BAZ1B: variants seen among roughly 807,000 people sequenced by gnomAD.
BAZ1B encodes tyrosine-protein kinase BAZ1B.
In BAZ1B, 22 loss-of-function variants were observed where a neutral mutation model predicts 153.8. The observed-to-expected ratio is 0.14, with a 90% CI of 0.10 to 0.20. The LOEUF (loss-of-function observed/expected upper bound fraction) is 0.20, where lower values mean the gene tolerates loss of function less well. BAZ1B is among the 10% of genes least tolerant of loss of function. The pLI, the probability that BAZ1B is intolerant of heterozygous loss-of-function variation, is 1.00. For synonymous variants in BAZ1B, 676 were observed against 633.4 expected (o/e 1.07, Z -1.01); for missense variants, 1,325 against 1,799.3 (o/e 0.74, Z 4.77).
chr7:73,444,222 T>C (rs1276432063), intron 16 of BAZ1B, 93 bp from the exon 17 acceptor site: 7 of 1,398,750 alleles, frequency 5.0e-6, no homozygotes, highest in South Asian at 1.5e-5. Flanking sequence ...GGAGAATCCT[T>C]TTCCTGGACA....
At position 73,522,100 on chromosome 7, in the gene BAZ1B, G is replaced by C; in HGVS notation, c.-167C>G. ...TCCCTCACCGCCGGCGCGGCCGCGC[G>C]ACAGTCATGGAGCGGAACGCCACGG... On this transcript the variant is annotated 5_prime_UTR_variant, in exon 1 of 20. Coordinates refer to ENST00000339594, the MANE Select transcript of BAZ1B (RefSeq NM_032408.4). 2.3e-6 allele frequency: 1 copy of C among 432,464 alleles called. No individual in the cohort carries two copies. The allele number at this position is 432,464 out of a possible 1,614,324, so 26.8% of individuals were successfully genotyped here. A position where few individuals can be genotyped will look rare whatever the true frequency, so the allele number is the denominator to read the frequency against.
intron 8 of BAZ1B, 42 bp from the exon 9 acceptor site, chr7:73,469,692 A>G: frequency 6.2e-7 from 1 of 1,605,964 alleles, no homozygotes; most frequent in Non-Finnish European, 8.5e-7. Flanking sequence ...TGAATAGATC[A>G]GGATTGCAGG....
chr7:73,492,453 C>T (rs1168154096), intron 5 of BAZ1B, among the ~76,000 whole-genome samples: 2 of 152,200 alleles, frequency 1.3e-5, no homozygotes, highest in African/African-American at 2.4e-5. Flanking sequence ...TGAGCCACCA[C>T]GCCCGGCCTG....
chr7:73,461,595 T>C (rs889367695), intron 12 of BAZ1B, among the ~76,000 whole-genome samples: 1 of 152,156 alleles, frequency 6.6e-6, no homozygotes, highest in Non-Finnish European at 1.5e-5. Context: ...GTTTAAATCC[T>C]TTTCCCCAGG....
At chr7:73,514,643 C>T (rs1267369181) in intron 1 of BAZ1B, among the ~76,000 whole-genome samples, 2 of 151,760 alleles carry the variant, frequency 1.3e-5, no homozygotes, top group Non-Finnish European at 2.9e-5. Flanking sequence ...AACCCCATCT[C>T]TATTAAAAAA....
chr7:73,473,070 T>C (rs1323576093), intron 7 of BAZ1B, among the ~76,000 whole-genome samples: 1 of 152,012 alleles, frequency 6.6e-6, no homozygotes, highest in East Asian at 1.9e-4. Context: ...GCATCCTGAG[T>C]AGCTGGGATT....
At chr7:73,521,655 T>C (rs1424771100) in intron 1 of BAZ1B, among the ~76,000 whole-genome samples, 172 bp downstream of exon 1, 1 of 150,886 alleles carries the variant, frequency 6.6e-6, no homozygotes, top group African/African-American at 2.4e-5. Flanking sequence ...CCGGATCCCC[T>C]GGAAGGATCG....
At chr7:73,454,348 A>G (rs1223682544) in intron 13 of BAZ1B, among the ~76,000 whole-genome samples, 4 of 152,146 alleles carry the variant, frequency 2.6e-5, no homozygotes, top group African/African-American at 9.7e-5. Flanking sequence ...GGTGAAAACT[A>G]AATCCCAGCA....
chr7:73,512,389 G>A (rs1385772167), intron 1 of BAZ1B, among the ~76,000 whole-genome samples: 1 of 151,482 alleles, frequency 6.6e-6, no homozygotes, highest in Non-Finnish European at 1.5e-5. Flanking sequence ...ATGGCCAAAA[G>A]ATTGGCTACC....
intron 4 of BAZ1B, among the ~76,000 whole-genome samples, 177 bp from the exon 5 acceptor site, chr7:73,493,098 GTAAATAACTACAATGTACTA>G (rs1554575775): frequency 1.3e-5 from 2 of 152,164 alleles, no homozygotes; most frequent in Non-Finnish European, 2.9e-5. Context: ...GAGTCAGCAA[GTAAATAACTACAATGTACTA>G]TAAATAACTA....
chr7:73,497,081 A>AAAAAAAAAAAAAAAAAC (rs1242807439), intron 4 of BAZ1B, among the ~76,000 whole-genome samples: 92 of 150,512 alleles, frequency 6.1e-4, no homozygotes, highest in African/African-American at 2.2e-3. Flanking sequence ...AAAAAAAAAA[A>AAAAAAAAAAAAAAAAAC]AACCTACAAA....
At chr7:73,452,531 G>A (rs1788057236) in intron 13 of BAZ1B, among the ~76,000 whole-genome samples, 1 of 152,046 alleles carries the variant, frequency 6.6e-6, no homozygotes, top group African/African-American at 2.4e-5. Context: ...AGACCAGCCT[G>A]GCCAATATGG....
rs564201536 is a variant in BAZ1B, at chr7:73,470,677, T to C, written c.2594-194A>G. 5.7e-4 allele frequency among the ~76,000 whole-genome samples: 87 copies of C among 152,296 alleles called. 1 individual carries two copies. The highest frequency in any genetic ancestry group is 6.8e-3 in the Middle Eastern group (2 of 294). On this transcript the variant is annotated intron_variant, in intron 7 of 19. Coordinates refer to ENST00000339594, the MANE Select transcript of BAZ1B (RefSeq NM_032408.4). ...TCTAGTCCTCCTACACTCCTTGAAT[T>C]TGTGGTGACATCTCATCCCTCAACT...
At chr7:73,460,835 C>T (rs189987718) in intron 12 of BAZ1B, among the ~76,000 whole-genome samples, 20 of 150,632 alleles carry the variant, frequency 1.3e-4, no homozygotes, top group African/African-American at 4.9e-4. Flanking sequence ...TGTGGTGGCA[C>T]ATGCCAGTAG....
chr7:73,485,929 T>C (rs1275072786), intron 6 of BAZ1B, among the ~76,000 whole-genome samples: 1 of 152,156 alleles, frequency 6.6e-6, no homozygotes, highest in Admixed American at 6.5e-5. Context: ...TGCAATGTAT[T>C]ACAAGAGGAA....
Position 73,476,964 on chromosome 7 carries a change from T to C in BAZ1B, c.2497A>G (p.Thr833Ala), listed in dbSNP as rs1554572882. 1 of 1,614,240 alleles carries C rather than the reference T, an allele frequency of 6.2e-7. No individual in the cohort carries two copies. The highest frequency in any genetic ancestry group is 8.5e-7 in the Non-Finnish European group (1 of 1,180,052). The change falls in exon 7 of 20, where the codon ACA becomes GCA. Residue 833 changes from threonine (T) to alanine (A), a missense_variant. Thr to Ala is a moderately conservative substitution (Grantham distance 58, BLOSUM62 0). This residue lies in a region of BAZ1B where 431 missense variants were observed against 563.5 expected (regional missense o/e 0.76). Coordinates refer to ENST00000339594, the MANE Select transcript of BAZ1B (RefSeq NM_032408.4). Reference sequence around the variant, plus strand: ...GCACTAATCATGTCTTCAGCTTCTGTATCTACTTGGGGCTCAAACTTCACA... The same window carrying C: ...GCACTAATCATGTCTTCAGCTTCTGCATCTACTTGGGGCTCAAACTTCACA... ...EIVKFEPQVD[T>A]EAEDMISAVK...
intron 6 of BAZ1B, among the ~76,000 whole-genome samples, chr7:73,486,076 G>A (rs553044188): frequency 6.6e-6 from 1 of 152,118 alleles, no homozygotes; most frequent in Admixed American, 6.6e-5. Flanking sequence ...TCCAACAAAT[G>A]GAACTTCAAG....
intron 7 of BAZ1B, among the ~76,000 whole-genome samples, chr7:73,475,026 T>A (rs1788945953): frequency 6.6e-6 from 1 of 152,154 alleles, no homozygotes; most frequent in South Asian, 2.1e-4. Flanking sequence ...CACAATGAGA[T>A]ACCATTTCAC....
At chr7:73,512,398 C>T (rs979998168) in intron 1 of BAZ1B, among the ~76,000 whole-genome samples, 45 of 151,658 alleles carry the variant, frequency 3.0e-4, no homozygotes, top group Non-Finnish European at 6.0e-4. Flanking sequence ...AGATTGGCTA[C>T]CCTGGTTTAA....
Sources: allele counts gnomAD v4.1 joint callset (sites outside exome capture counted in the v4.1 genomes callset), GRCh38; gene constraint gnomAD v4.1.1; regional missense constraint gnomAD v4.1.1; transcripts MANE v1.5; gene names NCBI Gene and HGNC (gene_info 2026-07-23, HGNC 2026-07-21).